Variants in CABLES1 observed in about 807,000 individuals in gnomAD.
The protein encoded by CABLES1 is Cdk5 and Abl enzyme substrate 1.
Under a neutral mutation model 57.8 loss-of-function variants are expected in CABLES1, and 36 were observed. The observed-to-expected ratio is 0.62, with a 90% CI of 0.48 to 0.82. The LOEUF (loss-of-function observed/expected upper bound fraction) is 0.82, where lower values mean the gene tolerates loss of function less well. Among genes scored for constraint, CABLES1 ranks in the 40% least tolerant of loss-of-function variants. The pLI, the probability that CABLES1 is intolerant of heterozygous loss-of-function variation, is 0.00. For synonymous variants in CABLES1, 374 were observed against 363.0 expected (o/e 1.03, Z -0.35); for missense variants, 767 against 836.6 (o/e 0.92, Z 1.03).
At chr18:23,215,751 TC>T (rs1704460275) in intron 4 of CABLES1, among the ~76,000 whole-genome samples, 1 of 151,680 alleles carries the variant, frequency 6.6e-6, no homozygotes, top group Admixed American at 6.6e-5. Context: ...ACTTTTTTTT[TC>T]TTTTTTTCTT....
intron 1 of CABLES1, among the ~76,000 whole-genome samples, 194 bp from the exon 2 acceptor site, chr18:23,188,644 T>C (rs531432274): frequency 3.9e-5 from 6 of 152,230 alleles, no homozygotes; most frequent in African/African-American, 1.4e-4. Flanking sequence ...CCAGGGAGAA[T>C]GTTCAGGATT....
At chr18:23,144,563 ATGT>A (rs1191046841) in intron 1 of CABLES1, among the ~76,000 whole-genome samples, 1 of 152,116 alleles carries the variant, frequency 6.6e-6, no homozygotes, top group Non-Finnish European at 1.5e-5. Context: ...TCCTTCACGT[ATGT>A]TGTTTTATTT....
chr18:23,162,157 C>T lies in CABLES1; in HGVS notation c.845+25550C>T, dbSNP rs1259542888. ...TCCAGCCTGGGCGACAAGCACAAAA[C>T]CCTGTCTCAAAAAAAAAACAACAAA... On this transcript the variant is annotated intron_variant, in intron 1 of 9. Transcript: ENST00000256925. Among the ~76,000 whole-genome samples, 5 of 118,246 alleles carry T rather than the reference C, an allele frequency of 4.2e-5. No individual in the cohort carries two copies. The East Asian group carries it at 1.2e-3, about 29-fold the overall frequency. The allele number at this position is 118,246 out of a possible 152,430, so 77.6% of individuals were successfully genotyped here. A position where few individuals can be genotyped will look rare whatever the true frequency, so the allele number is the denominator to read the frequency against.
At position 23,224,561 on chromosome 18, in the gene CABLES1, C is replaced by CTTT. The variant is rs777471596; in HGVS notation, c.1089-10025_1089-10023dup. On this transcript the variant is annotated intron_variant, in intron 4 of 9. Coordinates refer to ENST00000256925, the MANE Select transcript of CABLES1 (RefSeq NM_001100619.3). ...CTTCCATTTTTGTCCAGTCACAGAG[C>CTTT]TTTTTTTTTTTTTTTTTTTTTTTTG... 5.3e-3 allele frequency among the ~76,000 whole-genome samples: 475 copies of CTTT among 89,560 alleles called. 4 individuals are homozygous for CTTT. The highest frequency in any genetic ancestry group is 0.015 in the Middle Eastern group (2 of 130). The allele number at this position is 89,560 out of a possible 152,430, so 58.8% of individuals were successfully genotyped here.
intron 4 of CABLES1, among the ~76,000 whole-genome samples, chr18:23,220,621 C>T (rs758168968): frequency 1.1e-4 from 17 of 152,158 alleles, no homozygotes; most frequent in Non-Finnish European, 1.9e-4. Context: ...CCAGTACAGG[C>T]AGGCAGCACT....
chr18:23,140,349 G>A (rs2046849774), intron 1 of CABLES1, among the ~76,000 whole-genome samples: 2 of 152,212 alleles, frequency 1.3e-5, no homozygotes, highest in Non-Finnish European at 2.9e-5. Context: ...TCCCCAGGAG[G>A]ACATGAAGTT....
chr18:23,194,439 A>G lies in CABLES1; in HGVS notation c.918-9A>G. On this transcript the variant is annotated splice_polypyrimidine_tract_variant and intron_variant, in intron 2 of 9. Coordinates refer to ENST00000256925, the MANE Select transcript of CABLES1 (RefSeq NM_001100619.3). The stretch of plus-strand genomic sequence containing the variant: ...CTGACTGTGTTTTTGAAATGACTTT[A>G]TTTTTCAGATGTCGAACTCTCTCAG... 6.3e-7 allele frequency: 1 copy of G among 1,585,216 alleles called. No individual in the cohort carries two copies. Among genetic ancestry groups the G allele is most frequent in the Non-Finnish European group, 8.7e-7 (1 of 1,153,986 alleles).
intron 1 of CABLES1, among the ~76,000 whole-genome samples, chr18:23,161,978 CA>C (rs1196271093): frequency 2.0e-5 from 3 of 151,646 alleles, no homozygotes; most frequent in Admixed American, 2.0e-4. Context: ...CCAGCCTGAC[CA>C]ACATGGCGAA....
At position 23,150,207 on chromosome 18, in the gene CABLES1, G is replaced by GTTTTTTTTTTTT. The variant is rs10638130; in HGVS notation, c.845+13608_845+13619dup. 3.0e-4 allele frequency among the ~76,000 whole-genome samples: 32 copies of GTTTTTTTTTTTT among 106,662 alleles called. 2 individuals carry two copies. Among genetic ancestry groups the GTTTTTTTTTTTT allele is most frequent in the African/African-American group, 8.2e-4 (20 of 24,394 alleles). The allele number at this position is 106,662 out of a possible 152,430, so 70.0% of individuals were successfully genotyped here. A position where few individuals can be genotyped will look rare whatever the true frequency, so the allele number is the denominator to read the frequency against. On this transcript the variant is annotated intron_variant, in intron 1 of 9. Coordinates refer to ENST00000256925, the MANE Select transcript of CABLES1 (RefSeq NM_001100619.3). ...TTTAAGGTCATAGTAGTTGGTGTTT[G>GTTTTTTTTTTTT]TTTTTTTTTTTTTTTTTTTGAGACG...
chr18:23,154,001 G>T (rs1055912712), intron 1 of CABLES1, among the ~76,000 whole-genome samples: 1 of 152,110 alleles, frequency 6.6e-6, no homozygotes, highest in Non-Finnish European at 1.5e-5. Context: ...ACCCACTCCA[G>T]CCTGGGTGAC....
intron 4 of CABLES1, among the ~76,000 whole-genome samples, chr18:23,226,644 A>G (rs937475115): frequency 1.8e-4 from 28 of 152,184 alleles, no homozygotes; most frequent in Admixed American, 1.1e-3. Context: ...TTGCCAGCCC[A>G]GGAGCTTCTA....
chr18:23,223,223 G>T (rs923610042), intron 4 of CABLES1, among the ~76,000 whole-genome samples: 3 of 152,166 alleles, frequency 2.0e-5, no homozygotes, highest in African/African-American at 7.2e-5. Context: ...TGAGCAACAT[G>T]TAAGTCACAC....
In CABLES1 at chr18:23,179,025, C is replaced by T. The variant is rs563610148; in HGVS notation, c.846-9813C>T. On this transcript the variant is annotated intron_variant, in intron 1 of 9. Coordinates refer to ENST00000256925, the MANE Select transcript of CABLES1 (RefSeq NM_001100619.3). ...TCTTGGCCGGGCGTGGTGGCTCACA[C>T]CAGTAATCCCAACACTTTGGGAGGC... Among the ~76,000 whole-genome samples, 4 of 152,336 alleles carry T rather than the reference C, an allele frequency of 2.6e-5. No individual in the cohort carries two copies. The South Asian group carries it at 8.3e-4, about 32-fold the overall frequency.
At chr18:23,187,270 G>A (rs114904973) in intron 1 of CABLES1, among the ~76,000 whole-genome samples, 1,776 of 152,298 alleles carry the variant, frequency 0.012, 32 homozygotes, top group African/African-American at 0.039. Context: ...TAGAAAGTCC[G>A]GTATGTCATG....
At chr18:23,171,843 G>A (rs77919261) in intron 1 of CABLES1, among the ~76,000 whole-genome samples, 2,262 of 152,248 alleles carry the variant, frequency 0.015, 56 homozygotes, top group African/African-American at 0.052. Flanking sequence ...CCTGCATTCC[G>A]AGCTCTGGCC....
At chr18:23,139,721 G>A (rs934118356) in intron 1 of CABLES1, among the ~76,000 whole-genome samples, 4 of 152,200 alleles carry the variant, frequency 2.6e-5, no homozygotes, top group Non-Finnish European at 5.9e-5. Flanking sequence ...CAGAGAGGTT[G>A]AGTAATTTCT....
intron 7 of CABLES1, among the ~76,000 whole-genome samples, chr18:23,240,117 C>CAACAA (rs903129714): frequency 2.0e-5 from 3 of 152,070 alleles, no homozygotes; most frequent in Non-Finnish European, 2.9e-5. Flanking sequence ...GACCCTGTCT[C>CAACAA]AACAAAACAA....
At chr18:23,148,103 C>T (rs982058132) in intron 1 of CABLES1, among the ~76,000 whole-genome samples, 1 of 151,352 alleles carries the variant, frequency 6.6e-6, no homozygotes, top group Admixed American at 6.6e-5. Context: ...CATTCTGCTG[C>T]CTCAGCCTCC....
intron 4 of CABLES1, among the ~76,000 whole-genome samples, chr18:23,231,676 GGAATCCCTGTTTCTAA>G (rs1239146681): frequency 3.9e-4 from 59 of 152,274 alleles, no homozygotes; most frequent in African/African-American, 1.4e-3. Flanking sequence ...ACAATCCACT[GGAATCCCTGTTTCTAA>G]GAATCCCTGT....
Sources: allele counts gnomAD v4.1 joint callset (sites outside exome capture counted in the v4.1 genomes callset), GRCh38; gene constraint gnomAD v4.1.1; transcripts MANE v1.5; gene names NCBI Gene and HGNC (gene_info 2026-07-23, HGNC 2026-07-21).